SGCZ: variants seen among roughly 807,000 people sequenced by gnomAD.
The protein encoded by SGCZ is zeta-sarcoglycan.
A neutral mutation model predicts 41.3 loss-of-function variants in SGCZ; 40 were observed. The observed-to-expected ratio is 0.97, with a 90% CI of 0.75 to 1.26. The LOEUF (loss-of-function observed/expected upper bound fraction) is 1.26. Among genes scored for constraint, SGCZ ranks in the 50% most tolerant of loss-of-function variants. The pLI is 0.00. For synonymous variants in SGCZ, 206 were observed against 137.5 expected (o/e 1.50, Z -3.49); for missense variants, 552 against 369.8 (o/e 1.49, Z -4.04).
chr8:14,534,077 G>C (rs1024460391), intron 2 of SGCZ, among the ~76,000 whole-genome samples: 3 of 151,994 alleles, frequency 2.0e-5, no homozygotes, highest in African/African-American at 7.2e-5. Flanking sequence ...TCAGACAAAT[G>C]TGAATTGGGC....
chr8:15,203,128 A>C (rs964803990), intron 1 of SGCZ, among the ~76,000 whole-genome samples: 15 of 152,052 alleles, frequency 9.9e-5, no homozygotes, highest in African/African-American at 2.2e-4. Context: ...AACAAACAAA[A>C]AAAAACACCA....
chr8:15,141,811 G>C (rs932859344), intron 1 of SGCZ, among the ~76,000 whole-genome samples: 2 of 151,812 alleles, frequency 1.3e-5, no homozygotes, highest in African/African-American at 4.8e-5. Flanking sequence ...TGAGGCAGGA[G>C]AACCACTTGA....
chr8:15,160,337 G>C (rs539099285), intron 1 of SGCZ, among the ~76,000 whole-genome samples: 1 of 152,196 alleles, frequency 6.6e-6, no homozygotes, highest in East Asian at 1.9e-4. Flanking sequence ...TTGTAAATTT[G>C]AATAATATTC....
At chr8:14,532,215 G>C (rs968434755) in intron 2 of SGCZ, among the ~76,000 whole-genome samples, 7 of 151,412 alleles carry the variant, frequency 4.6e-5, no homozygotes, top group African/African-American at 1.5e-4. Flanking sequence ...CCAGATGATA[G>C]AGAAGAAATT....
intron 2 of SGCZ, among the ~76,000 whole-genome samples, chr8:14,458,367 C>CA (rs1800808968): frequency 6.6e-6 from 1 of 152,030 alleles, no homozygotes. Flanking sequence ...TGACCGTAAA[C>CA]AAATATTGAA....
At chr8:14,234,689 G>C (rs1221402995) in intron 4 of SGCZ, among the ~76,000 whole-genome samples, 5 of 152,140 alleles carry the variant, frequency 3.3e-5, no homozygotes, top group African/African-American at 9.6e-5. Flanking sequence ...AAAAGAAATA[G>C]ACAAGGAGGG....
chr8:14,482,950 C>G (rs992837919), intron 2 of SGCZ, among the ~76,000 whole-genome samples: 1 of 152,048 alleles, frequency 6.6e-6, no homozygotes, highest in Admixed American at 6.6e-5. Flanking sequence ...TCCCTAACTC[C>G]GTAAACACGT....
chr8:14,693,293 C>T (rs559618083), intron 1 of SGCZ, among the ~76,000 whole-genome samples: 283 of 146,330 alleles, frequency 1.9e-3, no homozygotes, highest in African/African-American at 6.7e-3. Context: ...AATTGAATAC[C>T]TTTTTTTTTT....
At chr8:14,297,486 A>C (rs1281193399) in intron 3 of SGCZ, among the ~76,000 whole-genome samples, 2 of 151,984 alleles carry the variant, frequency 1.3e-5, no homozygotes, top group African/African-American at 4.8e-5. Flanking sequence ...AATTATCAAT[A>C]AAATTGATAA....
intron 1 of SGCZ, among the ~76,000 whole-genome samples, chr8:14,806,494 A>T (rs1337550387): frequency 6.6e-6 from 1 of 152,178 alleles, no homozygotes; most frequent in African/African-American, 2.4e-5. Flanking sequence ...AAATGGATAA[A>T]TTCCTCGACA....
chr8:14,778,073 A>G (rs1800468729), intron 1 of SGCZ, among the ~76,000 whole-genome samples: 1 of 152,046 alleles, frequency 6.6e-6, no homozygotes, highest in African/African-American at 2.4e-5. Flanking sequence ...ATAGGCATGC[A>G]CCATCATGCC....
chr8:14,941,581 A>C (rs997784507), intron 1 of SGCZ, among the ~76,000 whole-genome samples: 1 of 152,088 alleles, frequency 6.6e-6, no homozygotes, highest in Non-Finnish European at 1.5e-5. Context: ...ATATACATTT[A>C]CATATAACAT....
At chr8:14,836,448 A>C (rs7818282) in intron 1 of SGCZ, among the ~76,000 whole-genome samples, 98,123 of 152,056 alleles carry the variant, frequency 0.65, 33,281 homozygotes, top group African/African-American at 0.85. Context: ...ATAACCTGGT[A>C]TCCCGCTTTC....
chr8:14,106,460 T>C, intron 6 of SGCZ, among the ~76,000 whole-genome samples: 1 of 144,636 alleles, frequency 6.9e-6, no homozygotes, highest in South Asian at 2.6e-4. Context: ...AAGGCCACTT[T>C]TTTTCCTAAT....
intron 2 of SGCZ, among the ~76,000 whole-genome samples, chr8:14,458,673 G>A (rs932409411): frequency 1.5e-4 from 23 of 152,126 alleles, no homozygotes. Context: ...AGCAACATAT[G>A]GAGTAGTATC....
chr8:14,525,151 G>C (rs1028871956), intron 2 of SGCZ, among the ~76,000 whole-genome samples: 3 of 16,888 alleles, frequency 1.8e-4, no homozygotes, highest in Non-Finnish European at 2.7e-4. Flanking sequence ...CACATAGATA[G>C]ATAGATAGAT....
intron 4 of SGCZ, among the ~76,000 whole-genome samples, chr8:14,227,014 C>A (rs568171819): frequency 6.6e-6 from 1 of 151,968 alleles, no homozygotes; most frequent in African/African-American, 2.4e-5. Flanking sequence ...CTCTAGTGTG[C>A]TTTAGGTAGC....
intron 1 of SGCZ, among the ~76,000 whole-genome samples, chr8:14,641,704 T>C (rs73188131): frequency 0.15 from 23,206 of 151,670 alleles, 2,179 homozygotes; most frequent in Admixed American, 0.23. Flanking sequence ...ATAGAGTTTA[T>C]TGCTACAATA....
intron 3 of SGCZ, among the ~76,000 whole-genome samples, chr8:14,289,892 T>G (rs1452323925): frequency 6.6e-6 from 1 of 151,590 alleles, no homozygotes; most frequent in African/African-American, 2.4e-5. Flanking sequence ...GGGAGGCCTC[T>G]GTAAACTTAC....
Sources: gnomAD v4.1 joint callset for allele counts (sites outside exome capture counted in the v4.1 genomes callset) on GRCh38, gnomAD v4.1.1 for gene constraint, MANE v1.5 for transcripts, NCBI Gene and HGNC (gene_info 2026-07-23, HGNC 2026-07-21) for gene names.